The following PCTP variants were observed in gnomAD, a reference collection of about 807,000 sequenced individuals.
PCTP encodes the protein phosphatidylcholine transfer protein.
In PCTP, 27 loss-of-function variants were observed where a neutral mutation model predicts 31.0. The ratio of observed to expected loss-of-function variants is 0.87; its 90% CI spans 0.64 to 1.20. The LOEUF is 1.20. Among genes scored for constraint, PCTP ranks in the 50% most tolerant of loss-of-function variants. PCTP has a pLI of 0.00. For synonymous variants in PCTP, 108 were observed against 101.2 expected, an observed-to-expected ratio of 1.07 and a Z score of -0.40; for missense variants, 287 against 268.2, an observed-to-expected ratio of 1.07 and a Z score of -0.49.
chr17:55,751,534 C>G, intron 1 of PCTP: 1 of 1,410,088 alleles, frequency 7.1e-7, no homozygotes, highest in Non-Finnish European at 9.4e-7. Context: ...CGTGGGTCAG[C>G]TGGTTCCTAG....
Position 55,774,811 on chromosome 17 carries a change from T to C in PCTP, c.531T>C (p.Asp177=). The change falls in exon 5 of 6, where the codon GAT becomes GAC. Residue 177 remains aspartate (D), a synonymous_variant. Transcript: ENST00000268896. ...KGSKVFMYYF[D]NPGGQIPSWL... is the part of the protein sequence containing the mutation. ...CTCTAGTTTTCATGTATTACTTCGATAACCCGGGTGGCCAAATTCCGTCCT... is the reference window on the plus strand; with the variant it reads ...CTCTAGTTTTCATGTATTACTTCGACAACCCGGGTGGCCAAATTCCGTCCT... The C allele has an allele frequency of 6.5e-7, 1 of 1,538,664 alleles. No individual in the cohort carries two copies. Among genetic ancestry groups the C allele is most frequent in the Non-Finnish European group, 8.8e-7 (1 of 1,135,190 alleles).
intron 3 of PCTP, among the ~76,000 whole-genome samples, chr17:55,805,886 ATGTGTGTGTGTG>A (rs58345619): frequency 1.4e-5 from 2 of 142,860 alleles, no homozygotes; most frequent in East Asian, 4.1e-4. Flanking sequence ...CTCAATCTGT[ATGTGTGTGTGTG>A]TGTGTGTGTG....
chr17:55,766,214 G>A (rs983494889), intron 1 of PCTP, among the ~76,000 whole-genome samples: 9 of 151,580 alleles, frequency 5.9e-5, no homozygotes, highest in Middle Eastern at 3.5e-3. Context: ...CCACAGAGGA[G>A]GTCAGTGTTT....
intron 2 of PCTP, among the ~76,000 whole-genome samples, chr17:55,785,540 T>C (rs529620634): frequency 4.7e-4 from 72 of 152,366 alleles, no homozygotes; most frequent in Middle Eastern, 3.4e-3. Context: ...CTCATTTATT[T>C]AGATCTTGCT....
chr17:55,819,109 C>T (rs1481973602), intron 3 of PCTP, among the ~76,000 whole-genome samples: 1 of 151,328 alleles, frequency 6.6e-6, no homozygotes, highest in Non-Finnish European at 1.5e-5. Flanking sequence ...AGCGACACCC[C>T]TTCATGATAG....
intron 5 of PCTP, among the ~76,000 whole-genome samples, chr17:55,839,051 T>A (rs529835595): frequency 6.6e-6 from 1 of 152,186 alleles, no homozygotes; most frequent in Non-Finnish European, 1.5e-5. Flanking sequence ...CACATTCACA[T>A]AGAACATCCA....
intron 5 of PCTP, among the ~76,000 whole-genome samples, chr17:55,836,521 C>T (rs151266931): frequency 2.6e-5 from 4 of 152,162 alleles, no homozygotes; most frequent in Non-Finnish European, 1.5e-5. Flanking sequence ...GGCCACCTAA[C>T]GCATATTCTT....
rs758200211 is a variant in PCTP at position 55,767,338 on chromosome 17, A to T, written c.145A>T (p.Thr49Ser). The change falls in exon 2 of 6, where the codon ACT becomes TCT. Residue 49 changes from threonine to serine, a missense_variant. By Grantham distance (58) the Thr-to-Ser change is moderately conservative. Coordinates refer to ENST00000268896, the MANE Select transcript of PCTP (RefSeq NM_021213.4). ...TCTACCTGTTCTGTTTTTATAGAAG[A>T]CTGGACTTTATGAGTATAAAGTCTT... Reference protein sequence around the residue: ...ISIYRLLDKKTGLYEYKVFGV... With the variant: ...ISIYRLLDKKSGLYEYKVFGV... 3.1e-6 allele frequency: 5 copies of T among 1,590,128 alleles called. No homozygotes were observed. The highest frequency in any genetic ancestry group is 1.7e-6 in the Non-Finnish European group (2 of 1,159,092).
At chr17:55,785,372 G>A (rs935745637) in intron 2 of PCTP, among the ~76,000 whole-genome samples, 3 of 152,242 alleles carry the variant, frequency 2.0e-5, no homozygotes, top group African/African-American at 7.2e-5. Context: ...TCTCAATAGA[G>A]CTTGGCAGTG....
At chr17:55,757,103 A>G (rs1315856583) in intron 1 of PCTP, among the ~76,000 whole-genome samples, 1 of 151,926 alleles carries the variant, frequency 6.6e-6, no homozygotes, top group African/African-American at 2.4e-5. Context: ...TGGAATCTCA[A>G]ATTTGAGCAT....
chr17:55,758,213 G>A (rs1910149873), intron 1 of PCTP, among the ~76,000 whole-genome samples: 1 of 152,156 alleles, frequency 6.6e-6, no homozygotes, highest in Admixed American at 6.5e-5. Flanking sequence ...CTAAATATCT[G>A]GCACTGTGAG....
At chr17:55,827,987 C>T (rs549034178), downstream of PCTP, among the ~76,000 whole-genome samples, 1 of 152,096 alleles carries the variant, frequency 6.6e-6, no homozygotes, top group Non-Finnish European at 1.5e-5. Flanking sequence ...ATGCTATTTG[C>T]GTTCAAGGGT....
chr17:55,787,898 C>T (rs995492672), intron 3 of PCTP, among the ~76,000 whole-genome samples: 7 of 152,134 alleles, frequency 4.6e-5, no homozygotes, highest in Non-Finnish European at 8.8e-5. Context: ...CTATTCTTCT[C>T]GGCACATAGC....
chr17:55,779,884 C>A (rs1971578514), downstream of PCTP, among the ~76,000 whole-genome samples: 1 of 152,132 alleles, frequency 6.6e-6, no homozygotes, highest in Non-Finnish European at 1.5e-5. Flanking sequence ...AGGGAGGGGA[C>A]CACCCATGCA....
intron 3 of PCTP, among the ~76,000 whole-genome samples, chr17:55,793,753 A>C (rs181233028): frequency 1.3e-3 from 191 of 152,268 alleles, no homozygotes; most frequent in African/African-American, 4.4e-3. Flanking sequence ...AGAATGCACA[A>C]GATAAGCACA....
chr17:55,846,082 G>C (rs1442418987), downstream of PCTP, among the ~76,000 whole-genome samples: 1 of 151,996 alleles, frequency 6.6e-6, no homozygotes, highest in Non-Finnish European at 1.5e-5. Flanking sequence ...AAGGTCTCCT[G>C]CATCTCTGAC....
chr17:55,845,868 G>A (rs1288433741), downstream of PCTP, among the ~76,000 whole-genome samples: 2 of 150,580 alleles, frequency 1.3e-5, no homozygotes. Context: ...ACTTAAGTTG[G>A]ATGGTTTGAG....
At chr17:55,827,479 T>A (rs1205758087), downstream of PCTP, among the ~76,000 whole-genome samples, 1 of 152,224 alleles carries the variant, frequency 6.6e-6, no homozygotes, top group Admixed American at 6.5e-5. Flanking sequence ...CATGGTGTGT[T>A]TTAATACTTA....
At chr17:55,811,452 G>C (rs958050624) in intron 3 of PCTP, among the ~76,000 whole-genome samples, 2 of 152,166 alleles carry the variant, frequency 1.3e-5, no homozygotes, top group East Asian at 3.8e-4. Flanking sequence ...CAGTGTAAGA[G>C]ATAGTCCCAA....
Sources: gnomAD v4.1 joint callset for allele counts (sites outside exome capture counted in the v4.1 genomes callset) on GRCh38, gnomAD v4.1.1 for gene constraint, MANE v1.5 for transcripts, NCBI Gene and HGNC (gene_info 2026-07-23, HGNC 2026-07-21) for gene names.